The following TNR variants were observed in gnomAD, a reference collection of about 807,000 sequenced individuals.
TNR encodes the protein tenascin R.
A neutral mutation model predicts 150.4 loss-of-function variants in TNR; 45 were observed. That is an observed-to-expected ratio of 0.30 (90% CI 0.24 to 0.38). TNR has a LOEUF of 0.38. TNR is among the 10% of genes least tolerant of loss of function. The probability of loss-of-function intolerance (pLI) is 1.00; values close to 1 mark genes in which losing one functional copy is unlikely to be tolerated. For synonymous variants in TNR, 687 were observed against 678.4 expected, an observed-to-expected ratio of 1.01 and a Z score of -0.20; for missense variants, 1,544 against 1,759.1, an observed-to-expected ratio of 0.88 and a Z score of 2.19.
At position 175,660,319 on chromosome 1, in the gene TNR, C is replaced by T. The variant is rs532548257; in HGVS notation, c.-165+82907G>A. On this transcript the variant is annotated intron_variant, in intron 1 of 22. Transcript: ENST00000367674. ...TTAGCTCATTCAGTTCCTACAATGCCCCAGCCCGCACATGGGCTGGGAATA... is the reference window on the plus strand; with the variant it reads ...TTAGCTCATTCAGTTCCTACAATGCTCCAGCCCGCACATGGGCTGGGAATA... 2.6e-5 allele frequency among the ~76,000 whole-genome samples: 4 copies of T among 152,308 alleles called. No individual in the cohort carries two copies. In the South Asian group the frequency reaches 8.3e-4, roughly 32 times the overall value.
chr1:175,499,854 G>C (rs1658657102), intron 2 of TNR, among the ~76,000 whole-genome samples: 1 of 152,116 alleles, frequency 6.6e-6, no homozygotes, highest in Non-Finnish European at 1.5e-5. Flanking sequence ...TCTCCTCCCA[G>C]TCAATCTACT....
At chr1:175,492,656 T>A (rs1181744129) in intron 2 of TNR, among the ~76,000 whole-genome samples, 2 of 152,126 alleles carry the variant, frequency 1.3e-5, no homozygotes, top group African/African-American at 4.8e-5. Context: ...TATCTATGGA[T>A]ATTTATGGAT....
intron 18 of TNR, among the ~76,000 whole-genome samples, chr1:175,338,846 A>G (rs1274105302): frequency 6.6e-6 from 1 of 152,154 alleles, no homozygotes; most frequent in Non-Finnish European, 1.5e-5. Context: ...TGTGTCAGGA[A>G]GAGGTGGTTA....
At chr1:175,331,001 CTTT>C (rs1366619190) in intron 20 of TNR, among the ~76,000 whole-genome samples, 4 of 25,908 alleles carry the variant, frequency 1.5e-4, no homozygotes, top group African/African-American at 6.3e-4. Context: ...CTTGGTGATT[CTTT>C]CTTTCTTTCT....
intron 2 of TNR, 112 bp downstream of exon 2, chr1:175,528,157 G>A (rs1336628985): frequency 6.6e-6 from 1 of 152,220 alleles, no homozygotes; most frequent in Admixed American, 6.5e-5. Flanking sequence ...CTAGCCCCCA[G>A]GGTGTTGTTC....
intron 2 of TNR, among the ~76,000 whole-genome samples, chr1:175,423,761 C>T (rs181898321): frequency 3.3e-5 from 5 of 152,214 alleles, no homozygotes; most frequent in South Asian, 2.1e-4. Flanking sequence ...CATGGGGCTG[C>T]GGAACTAGGG....
At chr1:175,367,000 C>T (rs527951382) in intron 10 of TNR, among the ~76,000 whole-genome samples, 1 of 152,290 alleles carries the variant, frequency 6.6e-6, no homozygotes, top group South Asian at 2.1e-4. Context: ...GAGCACAGGT[C>T]TGTGGGGAAG....
intron 17 of TNR, among the ~76,000 whole-genome samples, chr1:175,354,768 T>C (rs898037107): frequency 6.6e-6 from 1 of 152,214 alleles, no homozygotes; most frequent in Non-Finnish European, 1.5e-5. Flanking sequence ...CCTGCATTAT[T>C]GAATCTAGAA....
rs10676470 is a variant in TNR, at chr1:175,708,018, TTGTGTGTGTG to T, written c.-165+35198_-165+35207del. Reference sequence around the variant, plus strand: ...CAGGTACAAAGAGCCATGTGTGTGTTTGTGTGTGTGTGTGTGTGTGTGTGTGTGTGTGTGT... The same window carrying T: ...CAGGTACAAAGAGCCATGTGTGTGTTTGTGTGTGTGTGTGTGTGTGTGTGT... On this transcript the variant is annotated intron_variant, in intron 1 of 22. Coordinates refer to ENST00000367674, the MANE Select transcript of TNR (RefSeq NM_003285.3). 3.6e-3 allele frequency among the ~76,000 whole-genome samples: 519 copies of T among 144,734 alleles called. 3 individuals carry two copies. The highest frequency in any genetic ancestry group is 0.011 in the African/African-American group (434 of 39,550). The allele number at this position is 144,734 out of a possible 152,430, so 95.0% of individuals were successfully genotyped here.
rs538901249 is a variant in TNR, at chr1:175,398,697, T to G, written c.977-1890A>C. 1.5e-4 allele frequency among the ~76,000 whole-genome samples: 23 copies of G among 152,324 alleles called. 1 individual carries two copies. In the South Asian group the frequency reaches 4.8e-3, roughly 32 times the overall value. On this transcript the variant is annotated intron_variant, in intron 4 of 22. Transcript: ENST00000367674. ...ACTACCATTTTATAGATGACGAAAT[T>G]GGGCCACACAGTCAGCAAACATAGA...
intron 1 of TNR, among the ~76,000 whole-genome samples, chr1:175,574,092 G>A (rs1571625447): frequency 6.6e-6 from 1 of 152,238 alleles, no homozygotes; most frequent in Non-Finnish European, 1.5e-5. Context: ...GTGGAGAGAA[G>A]ACCTGGGATG....
chr1:175,403,482 C>T lies in TNR; in HGVS notation c.634G>A (p.Gly212Arg), dbSNP rs756376410. 1.2e-6 allele frequency: 2 copies of T among 1,614,244 alleles called. No homozygotes were observed. The highest frequency in any genetic ancestry group is 1.6e-4 in the Middle Eastern group (1 of 6,062). The part of the protein sequence containing the change: ...PYCPLGCSSR[G>R]VCVDGQCICD... ...ATGCACTGGCCATCCACACACACCC[C>T]CCGGCTGGAGCAACCCAGCGGGCAG... The change falls in exon 4 of 23, where the codon GGG (glycine) becomes AGG (arginine). Residue 212 changes from glycine to arginine, a missense_variant. This residue lies in a region of TNR where 1,254 missense variants were observed against 1,329.4 expected (regional missense o/e 0.94). Transcript: ENST00000367674.
chr1:175,681,899 T>A (rs1666045627), intron 1 of TNR, among the ~76,000 whole-genome samples: 1 of 151,904 alleles, frequency 6.6e-6, no homozygotes, highest in African/African-American at 2.4e-5. Context: ...GAAATGGGGG[T>A]CTGAAGGGAG....
intron 9 of TNR, among the ~76,000 whole-genome samples, chr1:175,369,621 A>T (rs1652003279): frequency 6.6e-6 from 1 of 152,118 alleles, no homozygotes; most frequent in African/African-American, 2.4e-5. Context: ...ATCTTTTTAT[A>T]AAAAGAAACT....
Position 175,319,870 on chromosome 1 carries a change from A to C in TNR, c.*3487T>G, listed in dbSNP as rs902613921. On this transcript the variant is annotated 3_prime_UTR_variant, in exon 23 of 23. Coordinates refer to ENST00000367674, the MANE Select transcript of TNR (RefSeq NM_003285.3). ...CCTTCCACCAGTTCACTGTGGTCTC[A>C]AGGCCAACAGTTTTCCACAGACTTG... is the stretch of plus-strand genomic sequence containing the variant. 6.6e-6 allele frequency: 1 copy of C among 152,204 alleles called. No homozygotes were observed. Among genetic ancestry groups the C allele is most frequent in the African/African-American group, 2.4e-5 (1 of 41,460 alleles). 9.4% of individuals were successfully genotyped at this position (152,204 alleles called of 1,614,324 possible).
intron 2 of TNR, among the ~76,000 whole-genome samples, chr1:175,424,897 A>C (rs934248950): frequency 6.6e-6 from 1 of 152,036 alleles, no homozygotes; most frequent in Non-Finnish European, 1.5e-5. Context: ...TTGGAAACTA[A>C]GCAAAAAATA....
At chr1:175,480,628 A>G (rs1571500696) in intron 2 of TNR, among the ~76,000 whole-genome samples, 2 of 152,252 alleles carry the variant, frequency 1.3e-5, no homozygotes, top group East Asian at 1.9e-4. Context: ...CATGACATTC[A>G]TGGCTCAGTT....
At chr1:175,446,719 G>A (rs1324871585) in intron 2 of TNR, among the ~76,000 whole-genome samples, 1 of 152,070 alleles carries the variant, frequency 6.6e-6, no homozygotes, top group African/African-American at 2.4e-5. Context: ...CTCGTTCTTG[G>A]TGCTCATTGC....
In TNR at chr1:175,659,291, C is replaced by T. The variant is rs142067206; in HGVS notation, c.-165+83935G>A. Among the ~76,000 whole-genome samples the T allele has an allele frequency of 6.8e-3, 1,042 of 152,264 alleles. 6 individuals carry two copies. Among genetic ancestry groups the T allele is most frequent in the Middle Eastern group, 0.027 (8 of 294 alleles). ...CAGGGGAAGACTAGTGGATCAGAAC[C>T]CAACTGAAATAGATTCTCTTCAACC... is the stretch of plus-strand genomic sequence containing the variant. On this transcript the variant is annotated intron_variant, in intron 1 of 22. Transcript: ENST00000367674.
Sources: allele counts gnomAD v4.1 joint callset (sites outside exome capture counted in the v4.1 genomes callset), GRCh38; gene constraint gnomAD v4.1.1; regional missense constraint gnomAD v4.1.1; transcripts MANE v1.5; gene names NCBI Gene and HGNC (gene_info 2026-07-23, HGNC 2026-07-21).